The following ADGRF1 variants were observed in gnomAD, a reference collection of about 807,000 sequenced individuals.
ADGRF1 encodes the protein adhesion G protein-coupled receptor F1.
A neutral mutation model predicts 87.2 loss-of-function variants in ADGRF1; 85 were observed. That is an observed-to-expected ratio of 0.97 (90% CI 0.82 to 1.17). The LOEUF (loss-of-function observed/expected upper bound fraction) is 1.17, where lower values mean the gene tolerates loss of function less well. Among genes scored for constraint, ADGRF1 ranks in the 50% most tolerant of loss-of-function variants. The pLI, the probability that ADGRF1 is intolerant of heterozygous loss-of-function variation, is 0.00. For missense variants in ADGRF1, 1,169 were observed against 1,077.2 expected (o/e 1.09, Z -1.19); for synonymous variants, 430 against 408.8 (o/e 1.05, Z -0.63).
At position 47,029,914 on chromosome 6, in the gene ADGRF1, G is replaced by A. The variant is rs141094761; in HGVS notation, c.-43-810C>T. Among the ~76,000 whole-genome samples the A allele has an allele frequency of 5.8e-3, 882 of 152,342 alleles. 3 individuals carry two copies. Among genetic ancestry groups the A allele is most frequent in the Non-Finnish European group, 9.8e-3 (666 of 68,034 alleles). Reference sequence around the variant, plus strand: ...CATCATTGCTAAGTTTTACTCCACAGCATTGATAGAACTTAAAGGAATACC... The same window carrying A: ...CATCATTGCTAAGTTTTACTCCACAACATTGATAGAACTTAAAGGAATACC... On this transcript the variant is annotated intron_variant, in intron 1 of 14. Transcript: ENST00000371253.
chr6:47,012,319 C>T, intron 9 of ADGRF1, 124 bp from the exon 10 acceptor site: 2 of 1,446,692 alleles, frequency 1.4e-6, no homozygotes, highest in Non-Finnish European at 1.8e-6. Flanking sequence ...AGGATAATTA[C>T]ATAACAATAG....
At chr6:47,022,144 G>C in intron 5 of ADGRF1, 86 bp from the exon 6 acceptor site, 1 of 779,138 alleles carries the variant, frequency 1.3e-6, no homozygotes, top group Non-Finnish European at 2.1e-6. Context: ...GTACAATTCA[G>C]AGTCATCTAT....
chr6:47,014,656 A>G, intron 9 of ADGRF1, 25 bp downstream of exon 9: 2 of 1,610,192 alleles, frequency 1.2e-6, no homozygotes, highest in Non-Finnish European at 1.7e-6. Flanking sequence ...GACCAGGGCA[A>G]GTCTACACAG....
chr6:47,010,356 G>A (rs1198143672), intron 10 of ADGRF1, 38 bp from the exon 11 acceptor site: 2 of 1,526,744 alleles, frequency 1.3e-6, no homozygotes, highest in Non-Finnish European at 1.8e-6. Flanking sequence ...GTGTTTTTGA[G>A]TAAACAGATA....
At chr6:47,040,440 C>CCT in intron 1 of ADGRF1, among the ~76,000 whole-genome samples, 1 of 152,162 alleles carries the variant, frequency 6.6e-6, no homozygotes, top group South Asian at 2.1e-4. Context: ...CCACTGCACT[C>CCT]CAGCCTGGGC....
chr6:47,032,071 A>G (rs1239184284), intron 1 of ADGRF1, among the ~76,000 whole-genome samples: 2 of 152,196 alleles, frequency 1.3e-5, no homozygotes, highest in African/African-American at 4.8e-5. Context: ...GAGAGCTGTT[A>G]TTCTAGACTG....
rs758696017 is a variant in ADGRF1, at chr6:47,024,088, T to G, written c.407A>C (p.His136Pro). 1.2e-6 allele frequency: 2 copies of G among 1,614,016 alleles called. No homozygotes were observed. Among genetic ancestry groups the G allele is most frequent in the African/African-American group, 1.3e-5 (1 of 74,954 alleles). ...TAGALPSCEC[H>P]LNNLSQSVNF... ...GACACTCTGGCTGAGGTTGTTGAGA[T>G]GACATTCACAGCTTGGGAGTGCTCC... Residue 136 changes from histidine to proline, a missense_variant, in exon 5 of 15, where the codon CAT (histidine) becomes CCT (proline). His to Pro is a moderately conservative substitution (Grantham distance 77, BLOSUM62 -2). Transcript: ENST00000371253.
At position 47,001,575 on chromosome 6, in the gene ADGRF1, A is replaced by C. The variant is rs1337282128; in HGVS notation, c.2593-8T>G. The C allele has an allele frequency of 6.2e-7, 1 of 1,612,434 alleles. No homozygotes were observed. Among genetic ancestry groups the C allele is most frequent in the East Asian group, 2.2e-5 (1 of 44,822 alleles). On this transcript the variant is annotated splice_region_variant and splice_polypyrimidine_tract_variant and intron_variant, in intron 13 of 14. Transcript: ENST00000371253. ...TAAATCTGATGAGTTTTGCTGCACA[A>C]AATAAAAATAAGTCATTTGGACATT...
At chr6:47,010,370 G>A (rs753272498) in intron 10 of ADGRF1, 52 bp from the exon 11 acceptor site, 1 of 1,445,250 alleles carries the variant, frequency 6.9e-7, no homozygotes, top group Non-Finnish European at 9.4e-7. Flanking sequence ...ACAGATAAGA[G>A]GACCAGCAGT....
intron 1 of ADGRF1, among the ~76,000 whole-genome samples, chr6:47,035,485 C>G (rs1780562873): frequency 6.6e-6 from 1 of 152,164 alleles, no homozygotes; most frequent in Admixed American, 6.5e-5. Context: ...TTCTAATTTA[C>G]AAAGTGTTTT....
chr6:47,024,807 T>C (rs1014114996), intron 4 of ADGRF1, among the ~76,000 whole-genome samples: 3 of 152,104 alleles, frequency 2.0e-5, no homozygotes, highest in Non-Finnish European at 2.9e-5. Context: ...AATTCTGAGG[T>C]TGGTATCAGA....
At chr6:47,036,423 G>A (rs971100680) in intron 1 of ADGRF1, among the ~76,000 whole-genome samples, 1 of 152,062 alleles carries the variant, frequency 6.6e-6, no homozygotes, top group Non-Finnish European at 1.5e-5. Flanking sequence ...GAAAAAACAA[G>A]CTATCTTCCT....
At chr6:47,002,189 TC>T (rs1241935138) in intron 13 of ADGRF1, among the ~76,000 whole-genome samples, 14 of 152,330 alleles carry the variant, frequency 9.2e-5, no homozygotes, top group Middle Eastern at 3.4e-3. Context: ...ATTTACCATC[TC>T]ATATTGAATG....
chr6:47,028,945 G>A (rs539451200), intron 2 of ADGRF1, 48 bp downstream of exon 2: 1 of 1,461,122 alleles, frequency 6.8e-7, no homozygotes, highest in East Asian at 2.3e-5. Context: ...GCCGGAACGA[G>A]AGAGGAGAGT....
chr6:47,009,199 C>T lies in ADGRF1; in HGVS notation c.2236G>A (p.Ala746Thr). 6.2e-7 allele frequency: 1 copy of T among 1,614,186 alleles called. No homozygotes were observed. The highest frequency in any genetic ancestry group is 8.5e-7 in the Non-Finnish European group (1 of 1,180,036). ...NWSNGSKPLL[A>T]FVVPALAIVA... ...ATAGCCAGTGCAGGGACAACAAAAG[C>T]CAGGAGTGGTTTGCTTCCATTGGAC... Residue 746 changes from alanine to threonine, a missense_variant, in exon 11 of 15, where the codon GCT becomes ACT. Ala to Thr is a moderately conservative substitution (Grantham distance 58, BLOSUM62 0). Transcript: ENST00000371253.
intron 14 of ADGRF1, 75 bp downstream of exon 14, chr6:47,001,426 T>G: frequency 8.3e-7 from 1 of 1,203,930 alleles, no homozygotes; most frequent in Non-Finnish European, 1.2e-6. Flanking sequence ...CATGTTGCCA[T>G]TGAATTTTAT....
At chr6:47,024,364 G>A (rs1220392195) in intron 4 of ADGRF1, 147 bp from the exon 5 acceptor site, 1 of 622,290 alleles carries the variant, frequency 1.6e-6, no homozygotes, top group Non-Finnish European at 2.7e-6. Context: ...GCCTAGGCTA[G>A]AATACAGTGG....
Position 47,001,484 on chromosome 6 carries a change from G to A in ADGRF1, c.2659+17C>T. On this transcript the variant is annotated intron_variant, in intron 14 of 14. Transcript: ENST00000371253. ...CTTTTCACACCTTTTATAACCTTTG[G>A]TTTTATTGTAACTCACCTTTGTTTT... The A allele has an allele frequency of 1.2e-6, 2 of 1,609,758 alleles. No homozygotes were observed. Among genetic ancestry groups the A allele is most frequent in the East Asian group, 2.2e-5 (1 of 44,808 alleles).
At chr6:47,027,475 G>A (rs556155194) in intron 3 of ADGRF1, among the ~76,000 whole-genome samples, 9 of 152,340 alleles carry the variant, frequency 5.9e-5, no homozygotes, top group African/African-American at 2.2e-4. Context: ...AAAAGGGCGT[G>A]TGTGAACAGC....
Sources: gnomAD v4.1 joint callset for allele counts (sites outside exome capture counted in the v4.1 genomes callset) on GRCh38, gnomAD v4.1.1 for gene constraint, MANE v1.5 for transcripts, NCBI Gene and HGNC (gene_info 2026-07-23, HGNC 2026-07-21) for gene names.